Variants in SYT1 observed in about 807,000 individuals in gnomAD.
The protein encoded by SYT1 is synaptotagmin 1, also known as synaptotagmin-1.
A neutral mutation model predicts 44.8 loss-of-function variants in SYT1; 8 were observed. The observed-to-expected ratio is 0.18, with a 90% confidence interval of 0.10 to 0.32. SYT1 has a LOEUF of 0.32. Ranked by LOEUF, SYT1 falls within the 10% of genes least tolerant of loss-of-function variation. The pLI, the probability that SYT1 is intolerant of heterozygous loss-of-function variation, is 1.00. For missense variants in SYT1, 286 were observed against 509.3 expected, an observed-to-expected ratio of 0.56 and a Z score of 4.22; for synonymous variants, 154 against 188.8, an observed-to-expected ratio of 0.82 and a Z score of 1.51.
At chr12:78,901,752 C>G (rs1364771744) in intron 1 of SYT1, among the ~76,000 whole-genome samples, 1 of 152,144 alleles carries the variant, frequency 6.6e-6, no homozygotes, top group Non-Finnish European at 1.5e-5. Context: ...AGTGCTTGGC[C>G]TTCACAGTAG....
intron 2 of SYT1, among the ~76,000 whole-genome samples, chr12:79,039,010 A>T (rs1229766340): frequency 2.6e-5 from 4 of 152,028 alleles, no homozygotes; most frequent in African/African-American, 9.7e-5. Context: ...AAATGAATAT[A>T]AATAGTTGTC....
At chr12:79,203,532 C>G (rs773243091) in intron 3 of SYT1, among the ~76,000 whole-genome samples, 2 of 152,008 alleles carry the variant, frequency 1.3e-5, no homozygotes, top group Non-Finnish European at 2.9e-5. Flanking sequence ...AACCAACCAT[C>G]GGCAAAAAGA....
intron 8 of SYT1, among the ~76,000 whole-genome samples, chr12:79,314,675 TTAAA>T (rs1278207392): frequency 6.6e-6 from 1 of 152,206 alleles, no homozygotes. Flanking sequence ...CCTCAAAATG[TTAAA>T]TAAAGTTGCC....
At chr12:79,177,220 C>T (rs1386515740) in intron 3 of SYT1, among the ~76,000 whole-genome samples, 3 of 91,020 alleles carry the variant, frequency 3.3e-5, no homozygotes, top group African/African-American at 1.4e-4. Flanking sequence ...CCACAGTCCC[C>T]AGAGTGTGAT....
intron 3 of SYT1, among the ~76,000 whole-genome samples, chr12:79,205,004 G>T (rs1238347684): frequency 7.9e-6 from 1 of 126,948 alleles, no homozygotes. Context: ...TCTCTTTGTC[G>T]CCCAGGCTGG....
chr12:79,088,099 G>GA (rs1168074379), intron 3 of SYT1, among the ~76,000 whole-genome samples: 1 of 151,920 alleles, frequency 6.6e-6, no homozygotes, highest in Non-Finnish European at 1.5e-5. Context: ...TTATGGTAAG[G>GA]AAAAAATGAG....
intron 1 of SYT1, among the ~76,000 whole-genome samples, chr12:78,924,265 G>A (rs1420133147): frequency 2.0e-5 from 3 of 151,838 alleles, no homozygotes; most frequent in Non-Finnish European, 4.4e-5. Context: ...TATCAGAATG[G>A]TGTTTGCTAG....
chr12:79,429,135 G>T (rs546825780), intron 9 of SYT1, among the ~76,000 whole-genome samples: 1 of 152,288 alleles, frequency 6.6e-6, no homozygotes, highest in Admixed American at 6.5e-5. Flanking sequence ...CTCCAGCATT[G>T]GGGATTAAAT....
intron 4 of SYT1, among the ~76,000 whole-genome samples, chr12:79,231,279 T>C (rs1208929995): frequency 6.6e-6 from 1 of 152,228 alleles, no homozygotes; most frequent in Non-Finnish European, 1.5e-5. Flanking sequence ...TTGTACTTGA[T>C]ATCTTCTGAG....
chr12:79,155,800 G>C (rs967225180), intron 3 of SYT1, among the ~76,000 whole-genome samples: 4 of 152,182 alleles, frequency 2.6e-5, no homozygotes, highest in African/African-American at 7.2e-5. Flanking sequence ...AAGCCAAAGG[G>C]AATTCTTCTG....
chr12:79,243,535 A>T (rs1010939494), intron 4 of SYT1, among the ~76,000 whole-genome samples: 3 of 152,208 alleles, frequency 2.0e-5, no homozygotes, highest in Non-Finnish European at 4.4e-5. Context: ...TGCTAAAGCA[A>T]TCGAAATCGA....
intron 3 of SYT1, among the ~76,000 whole-genome samples, chr12:79,131,671 G>T (rs1284173472): frequency 6.6e-6 from 1 of 152,152 alleles, no homozygotes; most frequent in Non-Finnish European, 1.5e-5. Context: ...GACCATCAAT[G>T]AGTCAACTTA....
intron 9 of SYT1, among the ~76,000 whole-genome samples, chr12:79,380,127 T>C (rs1328670926): frequency 1.3e-5 from 2 of 152,226 alleles, no homozygotes; most frequent in African/African-American, 2.4e-5. Context: ...ACCAGAGATT[T>C]TAAAGCTAAT....
chr12:79,057,197 G>C (rs1306584655), intron 3 of SYT1, among the ~76,000 whole-genome samples: 26 of 151,922 alleles, frequency 1.7e-4, no homozygotes, highest in Admixed American at 1.7e-3. Flanking sequence ...ATCTGGTTCA[G>C]CATATGCTCC....
intron 6 of SYT1, among the ~76,000 whole-genome samples, chr12:79,294,069 T>G (rs1879765595): frequency 6.6e-6 from 1 of 152,130 alleles, no homozygotes; most frequent in South Asian, 2.1e-4. Context: ...CAGTATTTTT[T>G]TCATCATATT....
intron 1 of SYT1, among the ~76,000 whole-genome samples, chr12:78,874,333 T>C (rs1031897235): frequency 3.3e-5 from 5 of 151,498 alleles, no homozygotes; most frequent in African/African-American, 1.2e-4. Flanking sequence ...AGAGAATAGA[T>C]GGTGGCAAAG....
chr12:79,227,783 C>T lies in SYT1; in HGVS notation c.166+10098C>T, dbSNP rs10861711. ...GTAAAGGTGTCAATGCATGTGAAGT[C>T]GTTAGCAGAGTGTCTGGCACTGAAT... On this transcript the variant is annotated intron_variant, in intron 4 of 10. Coordinates refer to ENST00000261205, the MANE Select transcript of SYT1 (RefSeq NM_005639.3). 0.023 allele frequency among the ~76,000 whole-genome samples: 3,558 copies of T among 152,130 alleles called. 238 individuals are homozygous for T. In the East Asian group the frequency reaches 0.29, roughly 12 times the overall value.
At chr12:79,064,923 A>G (rs1050281361) in intron 3 of SYT1, among the ~76,000 whole-genome samples, 1 of 137,372 alleles carries the variant, frequency 7.3e-6, no homozygotes, top group African/African-American at 2.8e-5. Context: ...ACAAAAAAAT[A>G]GAGAGAAAGA....
intron 1 of SYT1, among the ~76,000 whole-genome samples, chr12:78,885,036 T>C (rs1269550769): frequency 6.6e-6 from 1 of 151,936 alleles, no homozygotes; most frequent in Non-Finnish European, 1.5e-5. Flanking sequence ...AATGATACTA[T>C]TTGCTTTTAG....
Sources: gnomAD v4.1 joint callset for allele counts (sites outside exome capture counted in the v4.1 genomes callset) on GRCh38, gnomAD v4.1.1 for gene constraint, MANE v1.5 for transcripts, NCBI Gene and HGNC (gene_info 2026-07-23, HGNC 2026-07-21) for gene names.